Variants in CDH18 observed in about 807,000 individuals in gnomAD.
CDH18 encodes cadherin-18.
Under a neutral mutation model 67.9 loss-of-function variants are expected in CDH18, and 31 were observed. That is an observed-to-expected ratio of 0.46 (90% CI 0.34 to 0.62). The LOEUF (loss-of-function observed/expected upper bound fraction) is 0.62, where lower values mean the gene tolerates loss of function less well. Among genes scored for constraint, CDH18 ranks in the 20% least tolerant of loss-of-function variants. The pLI, the probability that CDH18 is intolerant of heterozygous loss-of-function variation, is 0.01. For missense variants in CDH18, 890 were observed against 975.5 expected, an observed-to-expected ratio of 0.91 and a Z score of 1.17; for synonymous variants, 362 against 347.2, an observed-to-expected ratio of 1.04 and a Z score of -0.48.
In CDH18 at chr5:20,245,104, G is replaced by T. The variant is rs560174462; in HGVS notation, c.-518+10340C>A. 8.5e-5 allele frequency among the ~76,000 whole-genome samples: 13 copies of T among 152,126 alleles called. No individual in the cohort carries two copies. The South Asian group carries it at 2.7e-3, about 32-fold the overall frequency. On this transcript the variant is annotated intron_variant, in intron 2 of 14. Transcript: ENST00000507958. Reference sequence around the variant, plus strand: ...AGATATGTCCTCAGTTCTATAAAATGGCTTTTCTTTTCCTTGCAGAGCAGG... The same window carrying T: ...AGATATGTCCTCAGTTCTATAAAATTGCTTTTCTTTTCCTTGCAGAGCAGG...
intron 2 of CDH18, among the ~76,000 whole-genome samples, chr5:19,936,697 T>C (rs949765634): frequency 6.6e-6 from 1 of 151,134 alleles, no homozygotes; most frequent in Non-Finnish European, 1.5e-5. Flanking sequence ...GTTGAGATTC[T>C]GAATATATTT....
intron 2 of CDH18, among the ~76,000 whole-genome samples, chr5:19,849,629 TATATATACACGC>T (rs1561437065): frequency 1.7e-5 from 1 of 57,336 alleles, no homozygotes; most frequent in African/African-American, 4.0e-5. Flanking sequence ...TATATAAACA[TATATATACACGC>T]ATATATATAT....
At chr5:20,364,317 AG>A (rs1274703862) in intron 1 of CDH18, among the ~76,000 whole-genome samples, 1 of 149,794 alleles carries the variant, frequency 6.7e-6, no homozygotes, top group African/African-American at 2.4e-5. Context: ...GAACCTAAAA[AG>A]GTTTACATAA....
At chr5:20,246,845 T>C (rs1200003638) in intron 2 of CDH18, among the ~76,000 whole-genome samples, 1 of 152,240 alleles carries the variant, frequency 6.6e-6, no homozygotes, top group African/African-American at 2.4e-5. Context: ...AATAAATTGG[T>C]TTGAAATTGG....
intron 1 of CDH18, chr5:20,304,438 T>A: frequency 1.3e-6 from 2 of 1,501,200 alleles, no homozygotes; most frequent in South Asian, 2.3e-5. Context: ...GATTCTCTTC[T>A]TCATCTCCAC....
rs893836807 is a variant in CDH18, at chr5:19,471,873, C to T, written c.*1353G>A. On this transcript the variant is annotated 3_prime_UTR_variant, in exon 13 of 13. Coordinates refer to ENST00000382275, the MANE Select transcript of CDH18 (RefSeq NM_004934.5). Reference sequence around the variant, plus strand: ...TAATGAAACTAGAAAATTAGATAAGCGTCTGCAAGCTTTTATGCAATTGAA... The same window carrying T: ...TAATGAAACTAGAAAATTAGATAAGTGTCTGCAAGCTTTTATGCAATTGAA... Among the ~76,000 whole-genome samples the T allele has an allele frequency of 3.9e-5, 6 of 152,038 alleles. No homozygotes were observed. Among genetic ancestry groups the T allele is most frequent in the African/African-American group, 9.7e-5 (4 of 41,396 alleles).
chr5:20,051,399 C>T (rs1055693751), intron 2 of CDH18, among the ~76,000 whole-genome samples: 2 of 151,782 alleles, frequency 1.3e-5, no homozygotes, highest in Non-Finnish European at 2.9e-5. Flanking sequence ...ACTATATTTT[C>T]CCAACTTATA....
intron 2 of CDH18, among the ~76,000 whole-genome samples, chr5:20,254,684 C>T (rs1205335958): frequency 6.6e-6 from 1 of 152,152 alleles, no homozygotes; most frequent in African/African-American, 2.4e-5. Context: ...AAATTATGTT[C>T]AGCCACAGTG....
At chr5:20,028,603 G>A (rs1033575187) in intron 2 of CDH18, among the ~76,000 whole-genome samples, 1 of 152,084 alleles carries the variant, frequency 6.6e-6, no homozygotes, top group African/African-American at 2.4e-5. Flanking sequence ...CCCAATGGAT[G>A]CCTGAAACCT....
chr5:20,336,754 A>AAAAAAAAAAAAAC (rs1739806802), intron 1 of CDH18, among the ~76,000 whole-genome samples: 1 of 133,076 alleles, frequency 7.5e-6, no homozygotes, highest in Non-Finnish European at 1.6e-5. Flanking sequence ...AAAAAAAAAA[A>AAAAAAAAAAAAAC]AGAACTTTTC....
chr5:19,537,599 A>T (rs1749624623), intron 9 of CDH18, among the ~76,000 whole-genome samples: 1 of 152,114 alleles, frequency 6.6e-6, no homozygotes, highest in Non-Finnish European at 1.5e-5. Context: ...CTCAAGACTG[A>T]ATCCATGCAT....
intron 1 of CDH18, among the ~76,000 whole-genome samples, chr5:20,537,418 A>AG (rs1352646972): frequency 6.6e-6 from 1 of 152,172 alleles, no homozygotes; most frequent in African/African-American, 2.4e-5. Context: ...GTGGAAAGTA[A>AG]TGAGATCTAT....
chr5:20,037,572 T>A (rs934524940), intron 2 of CDH18, among the ~76,000 whole-genome samples: 1 of 151,992 alleles, frequency 6.6e-6, no homozygotes, highest in Non-Finnish European at 1.5e-5. Context: ...CCACACTATA[T>A]GGAAACTGAA....
rs549445855 is a variant in CDH18, at chr5:20,496,655, T to C, written c.-580+78807A>G. ...AATTTTATAGTAATTGAGAGATAAA[T>C]TGTAAATGTGCTCTTCACGCTTTTA... On this transcript the variant is annotated intron_variant, in intron 1 of 14. Transcript: ENST00000507958. Among the ~76,000 whole-genome samples, 53 of 152,256 alleles carry C rather than the reference T, an allele frequency of 3.5e-4. 1 individual carries two copies. The highest frequency in any genetic ancestry group is 1.3e-3 in the African/African-American group (52 of 41,562).
chr5:19,721,528 C>T, intron 4 of CDH18, 62 bp from the exon 5 acceptor site: 5 of 1,514,376 alleles, frequency 3.3e-6, no homozygotes, highest in Non-Finnish European at 4.5e-6. Context: ...TTAATTTGAA[C>T]ACAGAAAATG....
rs760777430 is a variant in CDH18 at position 19,994,855 on chromosome 5, T to TATATATAGAGAGAGAGAGAGAGAG, written c.-517-2842_-517-2841insCTCTCTCTCTCTCTCTCTATATAT. 1.8e-4 allele frequency among the ~76,000 whole-genome samples: 12 copies of TATATATAGAGAGAGAGAGAGAGAG among 67,584 alleles called. 1 individual carries two copies. Among genetic ancestry groups the TATATATAGAGAGAGAGAGAGAGAG allele is most frequent in the African/African-American group, 7.4e-4 (10 of 13,598 alleles). 44.3% of individuals were successfully genotyped at this position (67,584 alleles called of 152,430 possible). ...ATATATATATATATATATATATATA[T>TATATATAGAGAGAGAGAGAGAGAG]AGAGAGAGAGAGAGAGAGAGAGATG... On this transcript the variant is annotated intron_variant, in intron 2 of 14. Transcript: ENST00000507958.
At position 19,496,135 on chromosome 5, in the gene CDH18, A is replaced by G. The variant is rs1742287965; in HGVS notation, c.1630+6857T>C. Reference sequence around the variant, plus strand: ...TGTTATATCTTGGTGTTGAACAGTGATTAAAGCTAAAGGCCACTGTGAGTG... The same window carrying G: ...TGTTATATCTTGGTGTTGAACAGTGGTTAAAGCTAAAGGCCACTGTGAGTG... On this transcript the variant is annotated intron_variant, in intron 11 of 12. Coordinates refer to ENST00000382275, the MANE Select transcript of CDH18 (RefSeq NM_004934.5). 3.3e-5 allele frequency among the ~76,000 whole-genome samples: 5 copies of G among 152,214 alleles called. No individual in the cohort carries two copies. In the South Asian group the frequency reaches 1.0e-3, roughly 32 times the overall value.
intron 3 of CDH18, among the ~76,000 whole-genome samples, chr5:19,767,999 C>T (rs1317449171): frequency 6.6e-6 from 1 of 152,152 alleles, no homozygotes; most frequent in Admixed American, 6.6e-5. Flanking sequence ...CCTCCACCTC[C>T]ACTGCAGCCT....
At chr5:20,106,185 AC>A (rs1746923972) in intron 2 of CDH18, among the ~76,000 whole-genome samples, 1 of 152,094 alleles carries the variant, frequency 6.6e-6, no homozygotes, top group South Asian at 2.1e-4. Flanking sequence ...CTCCAACTCT[AC>A]GAGTTTCATA....
Sources: gnomAD v4.1 joint callset for allele counts (sites outside exome capture counted in the v4.1 genomes callset) on GRCh38, gnomAD v4.1.1 for gene constraint, MANE v1.5 for transcripts, NCBI Gene and HGNC (gene_info 2026-07-23, HGNC 2026-07-21) for gene names.